TMEM243: variants seen among roughly 807,000 people sequenced by gnomAD.
TMEM243 encodes MDR1 and mitochondrial taxol resistance associated.
TMEM243 carries 20 observed loss-of-function variants against 15.0 expected under a neutral mutation model. The ratio of observed to expected loss-of-function variants is 1.33; its 90% CI spans 0.94 to 1.93. TMEM243 has a LOEUF of 1.93. Ranked by LOEUF, TMEM243 falls within the 30% of genes most tolerant of loss-of-function variation. The pLI is 0.00. For synonymous variants in TMEM243, 72 were observed against 52.7 expected, an observed-to-expected ratio of 1.37 and a Z score of -1.59; for missense variants, 156 against 142.1, an observed-to-expected ratio of 1.10 and a Z score of -0.50.
rs759771007 is a variant in TMEM243, at chr7:87,197,940, C to A, written c.234+1G>T. 1.2e-6 allele frequency: 2 copies of A among 1,612,982 alleles called. No individual in the cohort carries two copies. The highest frequency in any genetic ancestry group is 1.1e-5 in the South Asian group (1 of 91,054). On this transcript the variant is annotated splice_donor_variant, in intron 3 of 3. Transcript: ENST00000257637. LOFTEE classifies it high-confidence loss of function. ...CTGTTTAAATTCTCAACAGTACTTA[C>A]AAGTATGCAGGCAGTAATACTACTC...
intron 3 of TMEM243, 86 bp downstream of exon 3, chr7:87,197,855 G>T (rs1584511995): frequency 6.3e-7 from 1 of 1,598,312 alleles, no homozygotes; most frequent in East Asian, 2.3e-5. Context: ...ATACCCTTTT[G>T]TATAGACCCA....
intron 1 of TMEM243, among the ~76,000 whole-genome samples, chr7:87,213,521 A>C (rs1221079751): frequency 2.6e-5 from 4 of 152,248 alleles, no homozygotes; most frequent in Non-Finnish European, 5.9e-5. Flanking sequence ...TGGTAGCTCT[A>C]AGACAGAGGA....
chr7:87,210,057 G>A (rs532554415), intron 1 of TMEM243, among the ~76,000 whole-genome samples: 114 of 131,378 alleles, frequency 8.7e-4, no homozygotes, highest in Admixed American at 7.1e-3. Flanking sequence ...GGAGGGGAAG[G>A]GGGGACAGAT....
chr7:87,218,032 C>G (rs565249202), intron 1 of TMEM243, among the ~76,000 whole-genome samples: 39 of 152,376 alleles, frequency 2.6e-4, no homozygotes, highest in Middle Eastern at 3.4e-3. Flanking sequence ...GGGAGGCACT[C>G]TCTTAGTTCT....
intron 1 of TMEM243, among the ~76,000 whole-genome samples, chr7:87,206,100 A>C (rs2129228019): frequency 6.6e-6 from 1 of 152,346 alleles, no homozygotes; most frequent in Non-Finnish European, 1.5e-5. Flanking sequence ...TTCCCCTTAT[A>C]AAATCATCAG....
At position 87,198,635 on chromosome 7, in the gene TMEM243, T is replaced by C. The variant is rs1220315765; in HGVS notation, c.129+372A>G. 1.1e-5 allele frequency: 3 copies of C among 282,366 alleles called. No individual in the cohort carries two copies. In the East Asian group the frequency reaches 3.2e-4, roughly 30 times the overall value. The allele number at this position is 282,366 out of a possible 1,614,324, so 17.5% of individuals were successfully genotyped here. A position where few individuals can be genotyped will look rare whatever the true frequency, so the allele number is the denominator to read the frequency against. On this transcript the variant is annotated intron_variant, in intron 2 of 3. Transcript: ENST00000257637. ...CAGGATGTATACAGTACAACTACTA[T>C]ACACTGTGACCAAATCTTTTAAAAC...
intron 1 of TMEM243, among the ~76,000 whole-genome samples, chr7:87,213,739 T>G (rs1802917673): frequency 6.6e-6 from 1 of 152,010 alleles, no homozygotes; most frequent in Admixed American, 6.6e-5. Flanking sequence ...TGACTAACAC[T>G]AATCATAAAA....
At chr7:87,199,110 A>G in intron 1 of TMEM243, 53 bp from the exon 2 acceptor site, 12 of 1,448,744 alleles carry the variant, frequency 8.3e-6, no homozygotes, top group East Asian at 2.3e-5. Flanking sequence ...TGTTACCTTC[A>G]GTATAGTACA....
chr7:87,209,477 TGAGATAGTGA>T (rs1802464568), intron 1 of TMEM243, among the ~76,000 whole-genome samples: 1 of 118,322 alleles, frequency 8.5e-6, no homozygotes, highest in Non-Finnish European at 1.8e-5. Flanking sequence ...AGACAGAGAG[TGAGATAGTGA>T]GAGAGAGAGA....
rs1259657189 is a variant in TMEM243 at position 87,219,355 on chromosome 7, C to A, written c.78+71G>T. ...TTTTAGGAGCCGCAGAAAGACGCAG[C>A]CCGGACTCCGCCAGAGGGCAGGCAG... On this transcript the variant is annotated intron_variant, in intron 1 of 3. Transcript: ENST00000257637. 20 of 1,492,330 alleles carry A rather than the reference C, an allele frequency of 1.3e-5. No individual in the cohort carries two copies. The Middle Eastern group carries it at 9.5e-4, about 71-fold the overall frequency. 92.4% of individuals were successfully genotyped at this position (1,492,330 alleles called of 1,614,324 possible). A position where few individuals can be genotyped will look rare whatever the true frequency, so the allele number is the denominator to read the frequency against.
rs772548498 is a variant in TMEM243, at chr7:87,219,462, C to A, written c.42G>T (p.Leu14=). The A allele has an allele frequency of 5.6e-6, 9 of 1,614,232 alleles. No individual in the cohort carries two copies. The Admixed American group carries it at 1.5e-4, about 27-fold the overall frequency. The change falls in exon 1 of 4, where the codon CTG becomes CTT. Residue 14 remains leucine (L), a synonymous_variant. Transcript: ENST00000257637. ...TCTCCCCAAACAGAGGTCTGTTGTC[C>A]AGGCCACTGGTGCCGTAGGTCCTGG... The part of the protein sequence containing the change: ...FATRTYGTSG[L]DNRPLFGETS...
intron 1 of TMEM243, among the ~76,000 whole-genome samples, chr7:87,204,963 T>C (rs1303502413): frequency 1.3e-5 from 2 of 152,254 alleles, no homozygotes; most frequent in African/African-American, 4.8e-5. Flanking sequence ...GGTGTTTCTG[T>C]ATGTCCTCTA....
intron 1 of TMEM243, among the ~76,000 whole-genome samples, chr7:87,219,123 T>C (rs1384594832): frequency 6.6e-6 from 1 of 152,168 alleles, no homozygotes; most frequent in African/African-American, 2.4e-5. Flanking sequence ...GAGGTGCAGC[T>C]GTACAACCAC....
chr7:87,196,555 C>A lies in TMEM243; in HGVS notation c.*81G>T, dbSNP rs2129215521. 7.2e-7 allele frequency: 1 copy of A among 1,394,288 alleles called. No homozygotes were observed. The highest frequency in any genetic ancestry group is 2.5e-5 in the East Asian group (1 of 40,470). The allele number at this position is 1,394,288 out of a possible 1,614,324, so 86.4% of individuals were successfully genotyped here. A position where few individuals can be genotyped will look rare whatever the true frequency, so the allele number is the denominator to read the frequency against. On this transcript the variant is annotated 3_prime_UTR_variant, in exon 4 of 4. Coordinates refer to ENST00000257637, the MANE Select transcript of TMEM243 (RefSeq NM_024315.4). Reference sequence around the variant, plus strand: ...TATCAGACTTCTGCAGGAGATTCTTCAGCATACCTTATCCAAAAATTACTC... The same window carrying A: ...TATCAGACTTCTGCAGGAGATTCTTAAGCATACCTTATCCAAAAATTACTC...
chr7:87,210,168 G>A lies in TMEM243; in HGVS notation c.78+9258C>T, dbSNP rs183115261. ...ACTCGTTCATGAGACAGCACTGGGGGATGGTGCTAAACCATTAGAAACTGC... is the reference window on the plus strand; with the variant it reads ...ACTCGTTCATGAGACAGCACTGGGGAATGGTGCTAAACCATTAGAAACTGC... On this transcript the variant is annotated intron_variant, in intron 1 of 3. Transcript: ENST00000257637. Among the ~76,000 whole-genome samples, 277 of 152,226 alleles carry A rather than the reference G, an allele frequency of 1.8e-3. 3 individuals carry two copies. Among genetic ancestry groups the A allele is most frequent in the Middle Eastern group, 0.017 (5 of 294 alleles).
intron 3 of TMEM243, chr7:87,197,716 TAAGCTATCAAGGGAGTGGAATTTC>T: frequency 2.5e-5 from 3 of 118,874 alleles, no homozygotes; most frequent in Non-Finnish European, 3.4e-5. Context: ...TTTTTTTTTT[TAAGCTATCAAGGGAGTGGAATTTC>T]TCTTTGGGGT....
At chr7:87,199,677 T>C (rs1801639420) in intron 1 of TMEM243, 1 of 152,166 alleles carries the variant, frequency 6.6e-6, no homozygotes, top group Admixed American at 6.5e-5. Context: ...TACTGAGCTT[T>C]CTTGTCATTC....
At chr7:87,210,705 C>T (rs1174104585) in intron 1 of TMEM243, among the ~76,000 whole-genome samples, 1 of 152,234 alleles carries the variant, frequency 6.6e-6, no homozygotes, top group Admixed American at 6.5e-5. Flanking sequence ...CCACATGGCC[C>T]TGTGGTTCTG....
Position 87,214,819 on chromosome 7 carries a change from T to C in TMEM243, c.78+4607A>G, listed in dbSNP as rs1210992299. 2.0e-5 allele frequency among the ~76,000 whole-genome samples: 3 copies of C among 152,344 alleles called. No homozygotes were observed. In the East Asian group the frequency reaches 5.8e-4, roughly 29 times the overall value. The stretch of plus-strand genomic sequence containing the variant: ...GGGCTTTGGAATATTTACATATACA[T>C]AGTGAGATCTTGGGGTGGGACACAA... On this transcript the variant is annotated intron_variant, in intron 1 of 3. Transcript: ENST00000257637.
Sources: allele counts gnomAD v4.1 joint callset (sites outside exome capture counted in the v4.1 genomes callset), GRCh38; gene constraint gnomAD v4.1.1; transcripts MANE v1.5; gene names NCBI Gene and HGNC (gene_info 2026-07-23, HGNC 2026-07-21).